Variants in GRHL2 observed in about 807,000 individuals in gnomAD.
GRHL2 encodes the protein grainyhead-like protein 2 homolog.
Under a neutral mutation model 83.8 loss-of-function variants are expected in GRHL2, and 21 were observed. That is an observed-to-expected ratio of 0.25 (90% CI 0.18 to 0.36). The LOEUF (loss-of-function observed/expected upper bound fraction) is 0.36. GRHL2 is among the 10% of genes least tolerant of loss of function. The pLI, the probability that GRHL2 is intolerant of heterozygous loss-of-function variation, is 1.00. For synonymous variants in GRHL2, 280 were observed against 278.9 expected (o/e 1.00, Z -0.04); for missense variants, 623 against 781.8 (o/e 0.80, Z 2.42).
At chr8:101,556,944 C>T (rs1179873228) in intron 3 of GRHL2, among the ~76,000 whole-genome samples, 2 of 152,018 alleles carry the variant, frequency 1.3e-5, no homozygotes, top group East Asian at 3.9e-4. Context: ...CAAACACGTA[C>T]AGAAGTACAG....
At chr8:101,615,052 C>T (rs1812826324) in intron 8 of GRHL2, among the ~76,000 whole-genome samples, 1 of 152,140 alleles carries the variant, frequency 6.6e-6, no homozygotes, top group Non-Finnish European at 1.5e-5. Flanking sequence ...TTAGAGAGCC[C>T]ATTAGAGCTT....
intron 13 of GRHL2, among the ~76,000 whole-genome samples, chr8:101,645,600 C>T (rs539975672): frequency 6.6e-6 from 1 of 152,230 alleles, no homozygotes; most frequent in South Asian, 2.1e-4. Flanking sequence ...ACTTCTGCTC[C>T]TCGGCGTCCT....
At chr8:101,588,877 A>G (rs117321239) in intron 7 of GRHL2, among the ~76,000 whole-genome samples, 2 of 152,310 alleles carry the variant, frequency 1.3e-5, no homozygotes, top group East Asian at 3.9e-4. Context: ...AATATAAAAT[A>G]CCACCACTTC....
intron 1 of GRHL2, among the ~76,000 whole-genome samples, chr8:101,510,960 G>T (rs1463870656): frequency 1.3e-5 from 2 of 152,064 alleles, no homozygotes; most frequent in African/African-American, 2.4e-5. Context: ...AATTAGCCAG[G>T]CATGGTGGTG....
chr8:101,573,646 C>T lies in GRHL2; in HGVS notation c.735-22C>T, dbSNP rs148544883. The stretch of plus-strand genomic sequence containing the variant: ...AAATGTCCAAGTGAGTGGATCTGAC[C>T]GCTGTTTGTTTTCTTTCACAGTGGC... On this transcript the variant is annotated intron_variant, in intron 5 of 15. Transcript: ENST00000646743. The T allele has an allele frequency of 3.0e-5, 48 of 1,613,872 alleles. No homozygotes were observed. In the African/African-American group the frequency reaches 4.7e-4, roughly 16 times the overall value.
intron 12 of GRHL2, among the ~76,000 whole-genome samples, chr8:101,642,772 T>C (rs1267079025): frequency 1.3e-5 from 2 of 152,326 alleles, no homozygotes; most frequent in Non-Finnish European, 2.9e-5. Context: ...GGTTATTGAA[T>C]AGCTTTATCA....
rs184284425 is a variant in GRHL2, at chr8:101,600,197, C to T, written c.1098+1046C>T. 1.2e-3 allele frequency among the ~76,000 whole-genome samples: 186 copies of T among 152,266 alleles called. 2 individuals are homozygous for T. The highest frequency in any genetic ancestry group is 4.2e-3 in the African/African-American group (175 of 41,546). The stretch of plus-strand genomic sequence containing the variant: ...TAGAACAGGCCTGAGAAAGGCGGCC[C>T]AAATGGGCAAGTGGTGATAGAGTGC... On this transcript the variant is annotated intron_variant, in intron 8 of 15. Coordinates refer to ENST00000646743, the MANE Select transcript of GRHL2 (RefSeq NM_024915.4).
At chr8:101,664,924 T>A (rs992200745) in intron 15 of GRHL2, among the ~76,000 whole-genome samples, 21 of 152,146 alleles carry the variant, frequency 1.4e-4, no homozygotes, top group African/African-American at 5.1e-4. Flanking sequence ...GGGATTCCTC[T>A]AAGGTAATTA....
chr8:101,646,971 G>A (rs539598290), intron 13 of GRHL2, among the ~76,000 whole-genome samples: 22 of 152,286 alleles, frequency 1.4e-4, no homozygotes, highest in African/African-American at 5.1e-4. Flanking sequence ...CCATCAACGC[G>A]GCTCCCTTTA....
intron 1 of GRHL2, among the ~76,000 whole-genome samples, chr8:101,496,846 A>G (rs577598148): frequency 1.3e-5 from 2 of 152,146 alleles, no homozygotes; most frequent in East Asian, 3.9e-4. Context: ...CAGGGCCCTG[A>G]GGTGAGAGTG....
At chr8:101,631,827 A>G in intron 10 of GRHL2, 103 bp downstream of exon 10, 1 of 905,392 alleles carries the variant, frequency 1.1e-6, no homozygotes, top group Non-Finnish European at 1.8e-6. Context: ...AACTGCATAC[A>G]TGCAAGGCAT....
rs1482503725 is a variant in GRHL2 at position 101,632,225 on chromosome 8, G to A, written c.1346-1G>A. The A allele has an allele frequency of 6.2e-7, 1 of 1,613,782 alleles. No individual in the cohort carries two copies. Among genetic ancestry groups the A allele is most frequent in the Non-Finnish European group, 8.5e-7 (1 of 1,179,714 alleles). Reference sequence around the variant, plus strand: ...TTATGAGTTTGTGTGATCCCATCCAGCCTCTGATGGGAAGTTGGCTGCCAT... The same window carrying A: ...TTATGAGTTTGTGTGATCCCATCCAACCTCTGATGGGAAGTTGGCTGCCAT... On this transcript the variant is annotated splice_acceptor_variant, in intron 10 of 15. Coordinates refer to ENST00000646743, the MANE Select transcript of GRHL2 (RefSeq NM_024915.4). LOFTEE classifies it high-confidence loss of function.
At chr8:101,516,160 C>T (rs1408636192) in intron 1 of GRHL2, among the ~76,000 whole-genome samples, 1 of 152,174 alleles carries the variant, frequency 6.6e-6, no homozygotes, top group Non-Finnish European at 1.5e-5. Context: ...CCTACTGCCT[C>T]CCTCCAGAAA....
intron 14 of GRHL2, 60 bp downstream of exon 14, chr8:101,649,559 T>C: frequency 7.7e-7 from 1 of 1,290,368 alleles, no homozygotes; most frequent in South Asian, 1.2e-5. Context: ...TCCTCTGGAA[T>C]CCATGTACTA....
chr8:101,635,945 G>A (rs1039050510), intron 11 of GRHL2, among the ~76,000 whole-genome samples: 9 of 152,182 alleles, frequency 5.9e-5, no homozygotes, highest in Non-Finnish European at 1.3e-4. Context: ...TGTCTATCTA[G>A]ACACAGCTGT....
downstream of GRHL2, among the ~76,000 whole-genome samples, chr8:101,672,628 C>T (rs1814228831): frequency 6.6e-6 from 1 of 151,180 alleles, no homozygotes; most frequent in Admixed American, 6.6e-5. Flanking sequence ...GGAAAACACT[C>T]TGCAGGATAT....
chr8:101,583,002 C>T (rs1057483705), intron 7 of GRHL2, among the ~76,000 whole-genome samples: 3 of 152,138 alleles, frequency 2.0e-5, no homozygotes, highest in African/African-American at 7.2e-5. Flanking sequence ...TGCAAATTGC[C>T]ATTCATCCAA....
chr8:101,612,506 T>C (rs1196678483), intron 8 of GRHL2, among the ~76,000 whole-genome samples: 1 of 127,574 alleles, frequency 7.8e-6, no homozygotes, highest in Non-Finnish European at 1.6e-5. Flanking sequence ...GATAGATAGA[T>C]AGATAGATAG....
chr8:101,498,195 T>C (rs1810146830), intron 1 of GRHL2, among the ~76,000 whole-genome samples: 1 of 152,274 alleles, frequency 6.6e-6, no homozygotes, highest in African/African-American at 2.4e-5. Flanking sequence ...CTTGGCTCAC[T>C]GCAACCTCCG....
Sources: allele counts gnomAD v4.1 joint callset (sites outside exome capture counted in the v4.1 genomes callset), GRCh38; gene constraint gnomAD v4.1.1; transcripts MANE v1.5; gene names NCBI Gene and HGNC (gene_info 2026-07-23, HGNC 2026-07-21).